DDHD1: variants seen among roughly 807,000 people sequenced by gnomAD.
DDHD1 encodes the protein phospholipase DDHD1.
In DDHD1, 49 loss-of-function variants were observed where a neutral mutation model predicts 96.4. The observed-to-expected ratio is 0.51, with a 90% CI of 0.40 to 0.64. DDHD1 has a LOEUF of 0.64. Ranked by LOEUF, DDHD1 falls within the 30% of genes least tolerant of loss-of-function variation. The probability of loss-of-function intolerance (pLI) is 0.00; values close to 1 mark genes in which losing one functional copy is unlikely to be tolerated. For missense variants in DDHD1, 1,106 were observed against 1,161.2 expected, an observed-to-expected ratio of 0.95 and a Z score of 0.69; for synonymous variants, 442 against 446.5, an observed-to-expected ratio of 0.99 and a Z score of 0.13.
intron 1 of DDHD1, among the ~76,000 whole-genome samples, chr14:53,123,617 TGAA>T (rs1566587391): frequency 4.6e-5 from 7 of 152,176 alleles, no homozygotes; most frequent in African/African-American, 1.4e-4. Context: ...GGTTAAATCT[TGAA>T]AACCTGTATT....
At chr14:53,131,109 C>T (rs1036902544) in intron 1 of DDHD1, among the ~76,000 whole-genome samples, 2 of 152,166 alleles carry the variant, frequency 1.3e-5, no homozygotes, top group Non-Finnish European at 2.9e-5. Flanking sequence ...TTCCTTTATG[C>T]ACTCCTTTTT....
At chr14:53,078,640 T>A (rs1054515227) in intron 4 of DDHD1, among the ~76,000 whole-genome samples, 2 of 152,170 alleles carry the variant, frequency 1.3e-5, no homozygotes, top group African/African-American at 4.8e-5. Flanking sequence ...TAATGTCATG[T>A]CATTTGCAAA....
intron 1 of DDHD1, among the ~76,000 whole-genome samples, chr14:53,139,118 C>T (rs1373677600): frequency 6.7e-6 from 1 of 150,030 alleles, no homozygotes; most frequent in Non-Finnish European, 1.5e-5. Context: ...CCCACACCCA[C>T]AACCACACAG....
At chr14:53,129,587 G>A (rs939633863) in intron 1 of DDHD1, among the ~76,000 whole-genome samples, 4 of 149,250 alleles carry the variant, frequency 2.7e-5, no homozygotes, top group Admixed American at 2.0e-4. Flanking sequence ...GAACCTTCAC[G>A]TTGGTGGCAA....
chr14:53,071,941 T>C (rs1049592829), intron 6 of DDHD1, among the ~76,000 whole-genome samples: 1 of 152,162 alleles, frequency 6.6e-6, no homozygotes. Context: ...TGAGATGCAA[T>C]GAGCAAGCCT....
chr14:53,114,328 T>G (rs1185886354), intron 1 of DDHD1, among the ~76,000 whole-genome samples: 2 of 152,230 alleles, frequency 1.3e-5, no homozygotes, highest in Non-Finnish European at 2.9e-5. Context: ...CTGCCGACTC[T>G]GAAGACAGCA....
chr14:53,085,698 A>G (rs1415850870), intron 4 of DDHD1, among the ~76,000 whole-genome samples: 1 of 152,226 alleles, frequency 6.6e-6, no homozygotes, highest in African/African-American at 2.4e-5. Flanking sequence ...GGGAGAAACT[A>G]CAGCAGAAAA....
Position 53,054,531 on chromosome 14 carries a change from C to T in DDHD1, c.2344G>A (p.Glu782Lys). Residue 782 changes from glutamate to lysine, a missense_variant, in exon 11 of 13, where the codon GAA becomes AAA. By Grantham distance (56) the Glu-to-Lys change is moderately conservative. Coordinates refer to ENST00000673822, the MANE Select transcript of DDHD1 (RefSeq NM_001160148.2). Reference protein sequence around the residue: ...QSSETSKDSMEDEKKPVASPS... With the variant: ...QSSETSKDSMKDEKKPVASPS... ...GAGGCAACTGGCTTCTTCTCATCTT[C>T]CATTGAGTCTTTTGATGTTTCAGAT... 1 of 1,614,112 alleles carries T rather than the reference C, an allele frequency of 6.2e-7. No homozygotes were observed. Among genetic ancestry groups the T allele is most frequent in the Non-Finnish European group, 8.5e-7 (1 of 1,179,976 alleles).
At chr14:53,151,995 A>T (rs1400743219) in intron 1 of DDHD1, among the ~76,000 whole-genome samples, 1 of 152,162 alleles carries the variant, frequency 6.6e-6, no homozygotes, top group Non-Finnish European at 1.5e-5. Flanking sequence ...GATCACTTCC[A>T]GGGGATGGCA....
rs908302296 is a variant in DDHD1 at position 53,040,017 on chromosome 14, G to A, written c.*6751C>T. 6 of 152,086 alleles carry A rather than the reference G, an allele frequency of 3.9e-5. No homozygotes were observed. Among genetic ancestry groups the A allele is most frequent in the African/African-American group, 9.7e-5 (4 of 41,382 alleles). 9.4% of individuals were successfully genotyped at this position (152,086 alleles called of 1,614,324 possible). ...TCATCTAAGGTCAGCACCACCTCAC[G>A]GAATTGCACTGAAATTCCTAGACTG... is the stretch of plus-strand genomic sequence containing the variant. On this transcript the variant is annotated 3_prime_UTR_variant, in exon 13 of 13. Transcript: ENST00000673822.
chr14:53,152,200 C>A, intron 1 of DDHD1, 61 bp downstream of exon 1: 2 of 1,482,786 alleles, frequency 1.3e-6, no homozygotes, highest in South Asian at 1.3e-5. Context: ...AAACCCACAC[C>A]GGTGCGCATC....
intron 1 of DDHD1, among the ~76,000 whole-genome samples, chr14:53,126,995 TAA>T (rs1227570761): frequency 1.1e-4 from 17 of 152,154 alleles, no homozygotes; most frequent in Non-Finnish European, 1.9e-4. Context: ...TAAAATTTTT[TAA>T]AAAAGAACAG....
chr14:53,108,727 A>C (rs969983141), intron 1 of DDHD1, among the ~76,000 whole-genome samples: 5 of 152,066 alleles, frequency 3.3e-5, no homozygotes, highest in Non-Finnish European at 7.4e-5. Context: ...CTTTCTCTTC[A>C]ATTTCTTTCC....
In DDHD1 at chr14:53,060,996, T is replaced by C. The variant is rs564275924; in HGVS notation, c.1842+130A>G. ...ACCAGAAATGGCAGTGTCCAACATA[T>C]AGTATATGTTGAATAAATATTTATT... On this transcript the variant is annotated intron_variant, in intron 8 of 12. Coordinates refer to ENST00000673822, the MANE Select transcript of DDHD1 (RefSeq NM_001160148.2). The C allele has an allele frequency of 2.4e-5, 21 of 859,854 alleles. No homozygotes were observed. The East Asian group carries it at 3.0e-4, about 12-fold the overall frequency. 53.3% of individuals were successfully genotyped at this position (859,854 alleles called of 1,614,324 possible). A position where few individuals can be genotyped will look rare whatever the true frequency, so the allele number is the denominator to read the frequency against.
intron 1 of DDHD1, among the ~76,000 whole-genome samples, chr14:53,140,792 G>C (rs535622526): frequency 1.3e-5 from 2 of 152,248 alleles, no homozygotes; most frequent in East Asian, 3.9e-4. Flanking sequence ...AAAAGGCAGA[G>C]GTTGTCAGAA....
At chr14:53,125,850 C>T (rs1042307912) in intron 1 of DDHD1, among the ~76,000 whole-genome samples, 1 of 152,042 alleles carries the variant, frequency 6.6e-6, no homozygotes, top group Non-Finnish European at 1.5e-5. Flanking sequence ...TACAGGTACC[C>T]ACTACCATGC....
intron 1 of DDHD1, among the ~76,000 whole-genome samples, chr14:53,104,852 T>C (rs925869269): frequency 3.3e-5 from 5 of 152,096 alleles, no homozygotes; most frequent in Admixed American, 3.3e-4. Flanking sequence ...GCTGGTGGTT[T>C]AATCATATAA....
In DDHD1 at chr14:53,152,572, T is replaced by C. The variant is rs376973757; in HGVS notation, c.527A>G (p.Lys176Arg). Residue 176 changes from lysine to arginine, a missense_variant, in exon 1 of 13, where the codon AAG becomes AGG. Lys to Arg is a conservative substitution (Grantham distance 26). This residue lies in a region of DDHD1 where 456 missense variants were observed against 402.4 expected (regional missense o/e 1.13). Coordinates refer to ENST00000673822, the MANE Select transcript of DDHD1 (RefSeq NM_001160148.2). ...GCCGATGAAGGGCTTCCAGGTCTTCTTGTCCTCCTTGTAGAACCAGCGTAC... is the reference window on the plus strand; with the variant it reads ...GCCGATGAAGGGCTTCCAGGTCTTCCTGTCCTCCTTGTAGAACCAGCGTAC... ...EEVRWFYKED[K>R]KTWKPFIGYD... 2.6e-5 allele frequency: 42 copies of C among 1,613,808 alleles called. No homozygotes were observed. The highest frequency in any genetic ancestry group is 3.4e-5 in the Non-Finnish European group (40 of 1,179,952).
chr14:53,100,129 C>T (rs556771327), intron 2 of DDHD1, among the ~76,000 whole-genome samples: 52 of 152,122 alleles, frequency 3.4e-4, no homozygotes, highest in Admixed American at 7.2e-4. Flanking sequence ...CAACTATTTA[C>T]ATGGCATCAC....
Sources: allele counts gnomAD v4.1 joint callset (sites outside exome capture counted in the v4.1 genomes callset), GRCh38; gene constraint gnomAD v4.1.1; regional missense constraint gnomAD v4.1.1; transcripts MANE v1.5; gene names NCBI Gene and HGNC (gene_info 2026-07-23, HGNC 2026-07-21).